The following SDE2 variants were observed in gnomAD, a reference collection of about 807,000 sequenced individuals.
SDE2 encodes the protein splicing regulator SDE2.
A neutral mutation model predicts 46.9 loss-of-function variants in SDE2; 31 were observed. That is an observed-to-expected ratio of 0.66 (90% CI 0.50 to 0.89). The LOEUF is 0.89. SDE2 is among the 40% of genes least tolerant of loss of function. SDE2 has a pLI of 0.00. For missense variants in SDE2, 542 were observed against 564.4 expected, an observed-to-expected ratio of 0.96 and a Z score of 0.40; for synonymous variants, 205 against 204.3, an observed-to-expected ratio of 1.00 and a Z score of -0.03.
Position 225,995,279 on chromosome 1 carries a change from G to C in SDE2, c.225C>G (p.Cys75Trp). 1 of 1,590,084 alleles carries C rather than the reference G, an allele frequency of 6.3e-7. No individual in the cohort carries two copies. Among genetic ancestry groups the C allele is most frequent in the South Asian group, 1.1e-5 (1 of 90,136 alleles). Residue 75 changes from cysteine (C) to tryptophan (W), a missense_variant, in exon 2 of 7, where the codon TGC becomes TGG. Coordinates refer to ENST00000272091, the MANE Select transcript of SDE2 (RefSeq NM_152608.4). ...GAVYSLEPRL[C>W]GGKGGFGSML... ...TTCAGGTCCTACCTCCTTTTCCACC[G>C]CAAAGTCTGGGTTCCAAACTATAAA...
At position 225,992,980 on chromosome 1, in the gene SDE2, T is replaced by G; in HGVS notation, c.261A>C (p.Ala87=). 6.2e-7 allele frequency: 1 copy of G among 1,610,844 alleles called. No homozygotes were observed. Among genetic ancestry groups the G allele is most frequent in the Non-Finnish European group, 8.5e-7 (1 of 1,177,066 alleles). ...TTGTCTTCTCAATCTGAGCACCAAG[T>G]GCTCGGAGCATAGATCCAAAACCTG... ...GKGGFGSMLR[A]LGAQIEKTTN... Residue 87 remains alanine (A), a synonymous_variant, in exon 3 of 7, where the codon GCA becomes GCC. Transcript: ENST00000272091.
rs1421326740 is a variant in SDE2 at position 225,987,891 on chromosome 1, C to T, written c.1134+5G>A. 1 of 1,608,326 alleles carries T rather than the reference C, an allele frequency of 6.2e-7. No homozygotes were observed. The highest frequency in any genetic ancestry group is 8.5e-7 in the Non-Finnish European group (1 of 1,177,802). ...CTCTAGGTATCAACCCCAAAACATA[C>T]TTACTGCGTTTCCTGGCTGGCTTTC... is the stretch of plus-strand genomic sequence containing the variant. On this transcript the variant is annotated splice_donor_5th_base_variant and intron_variant, in intron 6 of 6. Coordinates refer to ENST00000272091, the MANE Select transcript of SDE2 (RefSeq NM_152608.4).
chr1:225,995,409 G>A, intron 1 of SDE2, 26 bp from the exon 2 acceptor site: 1 of 1,171,302 alleles, frequency 8.5e-7, no homozygotes, highest in Non-Finnish European at 1.3e-6. Flanking sequence ...TTTTTTTAAT[G>A]CCTTTTATGA....
rs1299345430 is a variant in SDE2 at position 225,985,094 on chromosome 1, A to C, written c.*208T>G. 1.7e-6 allele frequency: 1 copy of C among 576,152 alleles called. No homozygotes were observed. Among genetic ancestry groups the C allele is most frequent in the Non-Finnish European group, 3.1e-6 (1 of 325,252 alleles). The allele number at this position is 576,152 out of a possible 1,614,324, so 35.7% of individuals were successfully genotyped here. A position where few individuals can be genotyped will look rare whatever the true frequency, so the allele number is the denominator to read the frequency against. On this transcript the variant is annotated 3_prime_UTR_variant, in exon 7 of 7. Transcript: ENST00000272091. ...GAATAGCCCTATATTTATTAAATAC[A>C]CTATAGAAAACCAGACAAAGAAAAT...
At chr1:225,985,583 TTAAC>T (rs1435863816) in intron 6 of SDE2, 60 bp from the exon 7 acceptor site, 10 of 1,060,054 alleles carry the variant, frequency 9.4e-6, no homozygotes, top group Non-Finnish European at 1.4e-5. Context: ...TAAAGACTCT[TTAAC>T]TGTCAACTAC....
rs1207417228 is a variant in SDE2 at position 225,982,926 on chromosome 1, A to G, written c.*2376T>C. On this transcript the variant is annotated 3_prime_UTR_variant, in exon 7 of 7. Transcript: ENST00000272091. The stretch of plus-strand genomic sequence containing the variant: ...GAAGTGGCACATCAACTCTAGGTAG[A>G]CTGAAAAATTAAGAATGTATATTGT... 1.3e-5 allele frequency: 2 copies of G among 152,184 alleles called. No individual in the cohort carries two copies. Among genetic ancestry groups the G allele is most frequent in the Non-Finnish European group, 2.9e-5 (2 of 68,026 alleles). The allele number at this position is 152,184 out of a possible 1,614,324, so 9.4% of individuals were successfully genotyped here. A position where few individuals can be genotyped will look rare whatever the true frequency, so the allele number is the denominator to read the frequency against.
Position 225,987,971 on chromosome 1 carries a change from T to C in SDE2, c.1059A>G (p.Arg353=). 6.2e-7 allele frequency: 1 copy of C among 1,614,156 alleles called. No homozygotes were observed. Among genetic ancestry groups the C allele is most frequent in the Non-Finnish European group, 8.5e-7 (1 of 1,179,982 alleles). ...KETEERTDGE[R]VAEVAPEERE... is the part of the protein sequence containing the mutation. ...TTTCTTCAGGTGCTACCTCAGCAAC[T>C]CTTTCCCCATCAGTCCTTTCTTCTG... The change falls in exon 6 of 7, where the codon AGA becomes AGG. Residue 353 remains arginine (R), a synonymous_variant. Transcript: ENST00000272091.
rs544500712 is a variant in SDE2 at position 225,987,950 on chromosome 1, T to C, written c.1080A>G (p.Glu360=). Residue 360 remains glutamate, a synonymous_variant, in exon 6 of 7, where the codon GAA becomes GAG. Transcript: ENST00000272091. ...TGGCAACGGCAACGTTTTCCCTTTC[T>C]TCAGGTGCTACCTCAGCAACTCTTT... is the stretch of plus-strand genomic sequence containing the variant. ...DGERVAEVAP[E]ERENVAVAKL... 1.9e-6 allele frequency: 3 copies of C among 1,613,908 alleles called. No individual in the cohort carries two copies. In the South Asian group the frequency reaches 3.3e-5, roughly 18 times the overall value.
chr1:225,996,264 A>C (rs1431746839), intron 1 of SDE2, among the ~76,000 whole-genome samples: 1 of 152,216 alleles, frequency 6.6e-6, no homozygotes, highest in Non-Finnish European at 1.5e-5. Context: ...GTCTACCTCA[A>C]AGAGCTGTTG....
intron 5 of SDE2, 55 bp from the exon 6 acceptor site, chr1:225,988,443 A>T: frequency 6.3e-7 from 1 of 1,589,364 alleles, no homozygotes; most frequent in Non-Finnish European, 8.6e-7. Flanking sequence ...TTTAAAGCAA[A>T]GAGTTGGCTG....
chr1:225,992,646 A>C, intron 3 of SDE2, 79 bp from the exon 4 acceptor site: 1 of 945,268 alleles, frequency 1.1e-6, no homozygotes, highest in East Asian at 2.6e-5. Context: ...TCTCTGACGA[A>C]TTAATGCACT....
chr1:225,985,195 TAA>T lies in SDE2; in HGVS notation c.*105_*106del. The T allele has an allele frequency of 1.2e-6, 1 of 837,640 alleles. No homozygotes were observed. Among genetic ancestry groups the T allele is most frequent in the Non-Finnish European group, 1.9e-6 (1 of 516,954 alleles). The allele number at this position is 837,640 out of a possible 1,614,324, so 51.9% of individuals were successfully genotyped here. A position where few individuals can be genotyped will look rare whatever the true frequency, so the allele number is the denominator to read the frequency against. ...AAGGGGATAGTTAGAATTGGGTTACTAAAAAGTTAGCTTTTAATATCAACAGG... is the reference window on the plus strand; with the variant it reads ...AAGGGGATAGTTAGAATTGGGTTACTAAAGTTAGCTTTTAATATCAACAGG... On this transcript the variant is annotated 3_prime_UTR_variant, in exon 7 of 7. Coordinates refer to ENST00000272091, the MANE Select transcript of SDE2 (RefSeq NM_152608.4).
At chr1:225,990,742 C>A (rs965026827) in intron 5 of SDE2, among the ~76,000 whole-genome samples, 1 of 151,924 alleles carries the variant, frequency 6.6e-6, no homozygotes, top group African/African-American at 2.4e-5. Context: ...AGAACTTGGC[C>A]CAAGGGAAGT....
chr1:225,989,352 G>A (rs1656343314), intron 5 of SDE2, among the ~76,000 whole-genome samples: 1 of 150,822 alleles, frequency 6.6e-6, no homozygotes, highest in African/African-American at 2.4e-5. Context: ...AATCCATCCG[G>A]GCATGGTGGC....
chr1:225,984,959 G>T lies in SDE2; in HGVS notation c.*343C>A. The T allele has an allele frequency of 3.9e-6, 1 of 259,062 alleles. No individual in the cohort carries two copies. Among genetic ancestry groups the T allele is most frequent in the Non-Finnish European group, 7.4e-6 (1 of 135,210 alleles). The allele number at this position is 259,062 out of a possible 1,614,324, so 16.0% of individuals were successfully genotyped here. A position where few individuals can be genotyped will look rare whatever the true frequency, so the allele number is the denominator to read the frequency against. On this transcript the variant is annotated 3_prime_UTR_variant, in exon 7 of 7. Coordinates refer to ENST00000272091, the MANE Select transcript of SDE2 (RefSeq NM_152608.4). The stretch of plus-strand genomic sequence containing the variant: ...TAAAGACATTAAAAGGGTAAGAAGG[G>T]ACCATTATAAATAACCTTATGTCTA...
rs1175029575 is a variant in SDE2, at chr1:225,987,951, TCAGG to T, written c.1075_1078del (p.Pro359LysfsTer26). 6.2e-7 allele frequency: 1 copy of T among 1,613,874 alleles called. No homozygotes were observed. The highest frequency in any genetic ancestry group is 1.7e-5 in the Admixed American group (1 of 59,952). On this transcript the variant is annotated frameshift_variant, in exon 6 of 7. Coordinates refer to ENST00000272091, the MANE Select transcript of SDE2 (RefSeq NM_152608.4). LOFTEE classifies it high-confidence loss of function. ...GGCAACGGCAACGTTTTCCCTTTCT[TCAGG>T]TGCTACCTCAGCAACTCTTTCCCCA...
chr1:225,997,736 T>A (rs1656561260), intron 1 of SDE2, among the ~76,000 whole-genome samples: 1 of 152,202 alleles, frequency 6.6e-6, no homozygotes, highest in African/African-American at 2.4e-5. Context: ...TGGCCTATAT[T>A]TCTTGCTTCC....
intron 3 of SDE2, 70 bp from the exon 4 acceptor site, chr1:225,992,637 C>T (rs961956121): frequency 1.9e-6 from 2 of 1,041,654 alleles, no homozygotes; most frequent in Admixed American, 4.0e-5. Flanking sequence ...TATAAAATGT[C>T]TCTGACGAAT....
At position 225,985,486 on chromosome 1, in the gene SDE2, G is replaced by GT. The variant is rs1466468772; in HGVS notation, c.1171dup (p.Thr391AsnfsTer17). 3 of 1,613,776 alleles carry GT rather than the reference G, an allele frequency of 1.9e-6. No homozygotes were observed. The highest frequency in any genetic ancestry group is 2.5e-6 in the Non-Finnish European group (3 of 1,179,646). On this transcript the variant is annotated frameshift_variant, in exon 7 of 7. Coordinates refer to ENST00000272091, the MANE Select transcript of SDE2 (RefSeq NM_152608.4). LOFTEE classifies it high-confidence loss of function. ...CAGCAACTCCAGTTCTGCAACAGAG[G>GT]TGAACGCCAATAAATCTATAGTTTC...
Sources: gnomAD v4.1 joint callset for allele counts (sites outside exome capture counted in the v4.1 genomes callset) on GRCh38, gnomAD v4.1.1 for gene constraint, MANE v1.5 for transcripts, NCBI Gene and HGNC (gene_info 2026-07-23, HGNC 2026-07-21) for gene names.